The following PLCG2 variants were observed in gnomAD, a reference collection of about 807,000 sequenced individuals.
PLCG2 encodes phospholipase C gamma 2.
Under a neutral mutation model 175.6 loss-of-function variants are expected in PLCG2, and 69 were observed. That is an observed-to-expected ratio of 0.39 (90% CI 0.32 to 0.48). The LOEUF (loss-of-function observed/expected upper bound fraction) is 0.48, where lower values mean the gene tolerates loss of function less well. PLCG2 is among the 20% of genes least tolerant of loss of function. The pLI is 0.91. For synonymous variants in PLCG2, 827 were observed against 624.0 expected (o/e 1.33, Z -4.85); for missense variants, 1,798 against 1,650.9 (o/e 1.09, Z -1.54).
chr16:81,757,214 T>C (rs1472698182), intron 2 of PLCG2, among the ~76,000 whole-genome samples: 1 of 152,142 alleles, frequency 6.6e-6, no homozygotes. Context: ...CAATCATCTC[T>C]TTATCCAATC....
At chr16:81,853,411 T>C (rs1906520424) in intron 2 of PLCG2, among the ~76,000 whole-genome samples, 1 of 151,826 alleles carries the variant, frequency 6.6e-6, no homozygotes, top group South Asian at 2.1e-4. Flanking sequence ...GTGCCAGTGC[T>C]CCTAACCTTT....
At chr16:81,900,878 C>A in intron 14 of PLCG2, 98 bp downstream of exon 14, 1 of 1,109,366 alleles carries the variant, frequency 9.0e-7, no homozygotes, top group Non-Finnish European at 1.3e-6. Flanking sequence ...TCCTACTGGG[C>A]CTGCTCCAGG....
intron 2 of PLCG2, among the ~76,000 whole-genome samples, chr16:81,819,140 G>T (rs1904684088): frequency 6.6e-6 from 1 of 152,042 alleles, no homozygotes; most frequent in African/African-American, 2.4e-5. Flanking sequence ...TGACTGTGGG[G>T]TTCAGTGGAG....
At chr16:81,778,045 A>AACAAACAAACAACC (rs746647458), upstream of PLCG2, among the ~76,000 whole-genome samples, 2 of 77,906 alleles carry the variant, frequency 2.6e-5, no homozygotes, top group Admixed American at 1.1e-4. Flanking sequence ...AAAAAAAACA[A>AACAAACAAACAACC]AAAAAAAAAC....
chr16:81,857,198 C>T (rs953376978), intron 3 of PLCG2, among the ~76,000 whole-genome samples: 1 of 152,152 alleles, frequency 6.6e-6, no homozygotes, highest in African/African-American at 2.4e-5. Flanking sequence ...TCTCCGTCAT[C>T]CCTCTCTTCT....
intron 10 of PLCG2, among the ~76,000 whole-genome samples, chr16:81,889,817 G>A (rs1908547043): frequency 2.0e-5 from 3 of 152,038 alleles, no homozygotes; most frequent in African/African-American, 7.3e-5. Flanking sequence ...ACCATGTCTG[G>A]CTAATTTTTT....
Position 81,823,554 on chromosome 16 carries a change from C to G in PLCG2, c.194-30890C>G, listed in dbSNP as rs529640198. ...TTTATTTACTTTTAAGAGACAGGAT[C>G]TGGCTCTGTCGCCCAGGCTGGAGGG... On this transcript the variant is annotated intron_variant, in intron 2 of 32. Coordinates refer to ENST00000564138, the MANE Select transcript of PLCG2 (RefSeq NM_002661.5). 2.6e-5 allele frequency among the ~76,000 whole-genome samples: 4 copies of G among 152,292 alleles called. No homozygotes were observed. In the East Asian group the frequency reaches 7.7e-4, roughly 29 times the overall value.
At chr16:81,831,696 C>G (rs999715364) in intron 2 of PLCG2, among the ~76,000 whole-genome samples, 2 of 152,156 alleles carry the variant, frequency 1.3e-5, no homozygotes, top group East Asian at 1.9e-4. Context: ...TTAGGGGGAA[C>G]TTAGGCCAGA....
At chr16:81,862,744 C>G (rs34314759) in intron 5 of PLCG2, among the ~76,000 whole-genome samples, 11,285 of 151,952 alleles carry the variant, frequency 0.074, 445 homozygotes, top group Middle Eastern at 0.095. Flanking sequence ...TAGTGGTGCA[C>G]ATTTGTAGTC....
In PLCG2 at chr16:81,854,484, C is replaced by G; in HGVS notation, c.234C>G (p.Asn78Lys). Residue 78 changes from asparagine to lysine, a missense_variant, in exon 3 of 33, where the codon AAC (asparagine) becomes AAG (lysine). Coordinates refer to ENST00000564138, the MANE Select transcript of PLCG2 (RefSeq NM_002661.5). ...MEIKEIRPGK[N>K]SKDFERAKAV... ...TAAAAGAAATCCGCCCAGGGAAGAACTCCAAAGATTTCGAGCGAGCAAAAG... is the reference window on the plus strand; with the variant it reads ...TAAAAGAAATCCGCCCAGGGAAGAAGTCCAAAGATTTCGAGCGAGCAAAAG... The G allele has an allele frequency of 6.2e-7, 1 of 1,614,034 alleles. No individual in the cohort carries two copies.
intron 2 of PLCG2, among the ~76,000 whole-genome samples, chr16:81,833,306 G>T (rs911085818): frequency 1.3e-5 from 2 of 152,158 alleles, no homozygotes; most frequent in Non-Finnish European, 2.9e-5. Flanking sequence ...GCTTCTGGAG[G>T]ACTGGGGCCT....
intron 2 of PLCG2, among the ~76,000 whole-genome samples, chr16:81,829,737 G>C (rs1905186255): frequency 6.6e-6 from 1 of 152,180 alleles, no homozygotes; most frequent in Non-Finnish European, 1.5e-5. Flanking sequence ...TTGCTGTAGA[G>C]CATTCCATTG....
intron 2 of PLCG2, among the ~76,000 whole-genome samples, chr16:81,835,930 C>T (rs534335980): frequency 2.0e-4 from 31 of 152,142 alleles, no homozygotes; most frequent in Non-Finnish European, 3.7e-4. Flanking sequence ...CTTACAAGGA[C>T]AGTAGTCTTG....
At chr16:81,877,608 C>T (rs1051669255) in intron 7 of PLCG2, among the ~76,000 whole-genome samples, 1 of 152,214 alleles carries the variant, frequency 6.6e-6, no homozygotes, top group Non-Finnish European at 1.5e-5. Context: ...TGGCTGCCAG[C>T]AATGCTTCAA....
chr16:81,795,147 C>T (rs1036151314), intron 2 of PLCG2, among the ~76,000 whole-genome samples: 14 of 152,212 alleles, frequency 9.2e-5, no homozygotes, highest in African/African-American at 3.4e-4. Flanking sequence ...CCCTGAAGAT[C>T]TCTAGAGGAT....
intron 14 of PLCG2, among the ~76,000 whole-genome samples, chr16:81,904,409 C>T (rs755703682): frequency 6.6e-6 from 1 of 152,254 alleles, no homozygotes; most frequent in Non-Finnish European, 1.5e-5. Flanking sequence ...CTTACAGACG[C>T]TTGCCTGCGT....
chr16:81,743,342 C>T (rs1364314580), intron 1 of PLCG2, among the ~76,000 whole-genome samples: 16 of 152,170 alleles, frequency 1.1e-4, no homozygotes, highest in Admixed American at 1.0e-3. Context: ...CAGAGACAGA[C>T]CCTATCTCAA....
At chr16:81,883,705 T>C (rs1597105912) in intron 9 of PLCG2, 1 of 299,106 alleles carries the variant, frequency 3.3e-6, no homozygotes, top group African/African-American at 2.2e-5. Flanking sequence ...TGTCACTGCC[T>C]GGGAAGCCTT....
chr16:81,788,425 C>T (rs955053395), intron 2 of PLCG2, among the ~76,000 whole-genome samples: 26 of 152,116 alleles, frequency 1.7e-4, no homozygotes, highest in African/African-American at 4.3e-4. Flanking sequence ...GGACTACAGG[C>T]GCCCGCCACC....
Sources: allele counts gnomAD v4.1 joint callset (sites outside exome capture counted in the v4.1 genomes callset), GRCh38; gene constraint gnomAD v4.1.1; transcripts MANE v1.5; gene names NCBI Gene and HGNC (gene_info 2026-07-23, HGNC 2026-07-21).